The following PCLAF variants were observed in gnomAD, a reference collection of about 807,000 sequenced individuals.
PCLAF encodes PCNA-associated factor.
PCLAF carries 12 observed loss-of-function variants against 15.1 expected under a neutral mutation model. The ratio of observed to expected loss-of-function variants is 0.79; its 90% CI spans 0.51 to 1.29. PCLAF has a LOEUF of 1.29. Ranked by LOEUF, PCLAF falls within the 50% of genes most tolerant of loss-of-function variation. The pLI is 0.00. For missense variants in PCLAF, 116 were observed against 130.9 expected (o/e 0.89, Z 0.56); for synonymous variants, 33 against 47.1 (o/e 0.70, Z 1.22).
At chr15:64,370,726 T>C (rs992290100) in intron 3 of PCLAF, among the ~76,000 whole-genome samples, 1 of 151,800 alleles carries the variant, frequency 6.6e-6, no homozygotes, top group Non-Finnish European at 1.5e-5. Flanking sequence ...AAAGTTTTAC[T>C]TACCAGAATC....
rs975399596 is a variant in PCLAF, at chr15:64,364,986, T to G, written c.*1044A>C. On this transcript the variant is annotated 3_prime_UTR_variant, in exon 4 of 4. Transcript: ENST00000300035. Reference sequence around the variant, plus strand: ...GGTGTGAGCCACTGCACTCAGCCTTTTTTAAAATTTTTTTTTTTTTTTTTT... The same window carrying G: ...GGTGTGAGCCACTGCACTCAGCCTTGTTTAAAATTTTTTTTTTTTTTTTTT... 7.7e-6 allele frequency: 1 copy of G among 129,574 alleles called. No individual in the cohort carries two copies. The highest frequency in any genetic ancestry group is 2.8e-5 in the African/African-American group (1 of 35,568). 8.0% of individuals were successfully genotyped at this position (129,574 alleles called of 1,614,324 possible). A position where few individuals can be genotyped will look rare whatever the true frequency, so the allele number is the denominator to read the frequency against.
At chr15:64,382,446 A>G (rs1899847873), upstream of PCLAF, 2 of 159,854 alleles carry the variant, frequency 1.3e-5, no homozygotes, top group South Asian at 1.7e-4. Context: ...GAAAGAAAAG[A>G]AAAGAAAGAA....
chr15:64,370,634 G>A (rs1899252190), intron 3 of PCLAF, among the ~76,000 whole-genome samples: 1 of 150,818 alleles, frequency 6.6e-6, no homozygotes, highest in Non-Finnish European at 1.5e-5. Context: ...CTTTCAAAAT[G>A]TTGGGATTAC....
rs115223852 is a variant in PCLAF at position 64,369,810 on chromosome 15, T to G, written c.291-3735A>C. 8.6e-3 allele frequency among the ~76,000 whole-genome samples: 1,307 copies of G among 152,292 alleles called. 24 individuals are homozygous for G. The highest frequency in any genetic ancestry group is 0.03 in the African/African-American group (1,254 of 41,570). On this transcript the variant is annotated intron_variant, in intron 3 of 3. Coordinates refer to ENST00000300035, the MANE Select transcript of PCLAF (RefSeq NM_014736.6). Reference sequence around the variant, plus strand: ...CTTTCAGCCATCTATTTTTATCTAGTTTGTGTTCAATGAAAATCCATTCCA... The same window carrying G: ...CTTTCAGCCATCTATTTTTATCTAGGTTGTGTTCAATGAAAATCCATTCCA...
rs1372408095 is a variant in PCLAF, at chr15:64,364,687, C to G, written c.*1343G>C. 4 of 136,392 alleles carry G rather than the reference C, an allele frequency of 2.9e-5. No individual in the cohort carries two copies. The East Asian group carries it at 7.8e-4, about 27-fold the overall frequency. 8.4% of individuals were successfully genotyped at this position (136,392 alleles called of 1,614,324 possible). On this transcript the variant is annotated 3_prime_UTR_variant, in exon 4 of 4. Coordinates refer to ENST00000300035, the MANE Select transcript of PCLAF (RefSeq NM_014736.6). ...ATATAAATATATATTTTTTTCTTTT[C>G]TTTCTTTTTTTTTTTTTAAGACATT...
intron 3 of PCLAF, among the ~76,000 whole-genome samples, chr15:64,375,404 G>A (rs1899568132): frequency 6.6e-6 from 1 of 151,924 alleles, no homozygotes; most frequent in Non-Finnish European, 1.5e-5. Flanking sequence ...TTACAGAGGT[G>A]AGCCACTGTG....
Position 64,381,247 on chromosome 15 carries a change from G to A in PCLAF, c.46+79C>T, listed in dbSNP as rs921127878. 16 of 1,528,554 alleles carry A rather than the reference G, an allele frequency of 1.0e-5. No homozygotes were observed. In the Admixed American group the frequency reaches 1.7e-4, roughly 16 times the overall value. 94.7% of individuals were successfully genotyped at this position (1,528,554 alleles called of 1,614,324 possible). Reference sequence around the variant, plus strand: ...GAGTTTGGCGCACAGGGCCCAGGGGGACCTCTGGCGTCTGTCGCCCGTGGC... The same window carrying A: ...GAGTTTGGCGCACAGGGCCCAGGGGAACCTCTGGCGTCTGTCGCCCGTGGC... On this transcript the variant is annotated intron_variant, in intron 1 of 3. Coordinates refer to ENST00000300035, the MANE Select transcript of PCLAF (RefSeq NM_014736.6).
intron 1 of PCLAF, 99 bp from the exon 2 acceptor site, chr15:64,381,137 A>G (rs1271012768): frequency 2.3e-6 from 3 of 1,286,804 alleles, no homozygotes; most frequent in Non-Finnish European, 1.1e-6. Context: ...CTGGCGATCC[A>G]GAACAGCAGG....
At chr15:64,377,014 T>C in intron 2 of PCLAF, 109 bp from the exon 3 acceptor site, 1 of 820,238 alleles carries the variant, frequency 1.2e-6, no homozygotes, top group Non-Finnish European at 1.9e-6. Context: ...TATTAAATAA[T>C]CTTTATTTAA....
At chr15:64,384,364 C>A (rs1471401664), upstream of PCLAF, among the ~76,000 whole-genome samples, 1 of 151,816 alleles carries the variant, frequency 6.6e-6, no homozygotes, top group African/African-American at 2.4e-5. Flanking sequence ...GAACTCCTGA[C>A]CTCAGGTGAT....
upstream of PCLAF, among the ~76,000 whole-genome samples, chr15:64,384,495 C>T (rs957782732): frequency 6.6e-6 from 1 of 151,004 alleles, no homozygotes; most frequent in African/African-American, 2.4e-5. Flanking sequence ...ATAATCCCAG[C>T]AATTTGGGAG....
chr15:64,366,703 T>C (rs1000130516), intron 3 of PCLAF, among the ~76,000 whole-genome samples: 77 of 152,150 alleles, frequency 5.1e-4, no homozygotes, highest in African/African-American at 1.8e-3. Flanking sequence ...CCGGGGTCGG[T>C]GGATCACGCC....
At chr15:64,366,868 G>A (rs997929617) in intron 3 of PCLAF, among the ~76,000 whole-genome samples, 18 of 152,112 alleles carry the variant, frequency 1.2e-4, no homozygotes, top group African/African-American at 4.3e-4. Context: ...AGCTACTTGG[G>A]AGGCTAAGGC....
At chr15:64,369,363 TAAAA>T (rs72110519) in intron 3 of PCLAF, among the ~76,000 whole-genome samples, 88 of 94,688 alleles carry the variant, frequency 9.3e-4, no homozygotes, top group African/African-American at 1.8e-3. Context: ...CCTGTCTCTT[TAAAA>T]AAAAAAAAAA....
chr15:64,383,725 G>A (rs754286805), upstream of PCLAF, among the ~76,000 whole-genome samples: 1 of 152,044 alleles, frequency 6.6e-6, no homozygotes, highest in Non-Finnish European at 1.5e-5. Context: ...TTCTACATAG[G>A]TCTGAATTAC....
upstream of PCLAF, among the ~76,000 whole-genome samples, chr15:64,382,010 C>T (rs766218888): frequency 1.7e-4 from 26 of 152,046 alleles, no homozygotes; most frequent in Non-Finnish European, 3.7e-4. Context: ...TAAACAAAAA[C>T]TAGGGGGATT....
At chr15:64,386,322 G>A (rs1180788204), upstream of PCLAF, among the ~76,000 whole-genome samples, 2 of 151,920 alleles carry the variant, frequency 1.3e-5, no homozygotes, top group African/African-American at 2.4e-5. Context: ...ACACTTATGA[G>A]GTTTTGTTTT....
chr15:64,382,066 G>C (rs1899837763), upstream of PCLAF, among the ~76,000 whole-genome samples: 1 of 152,124 alleles, frequency 6.6e-6, no homozygotes, highest in African/African-American at 2.4e-5. Context: ...ACGTCTTCTT[G>C]AGAACCGAAT....
intron 3 of PCLAF, 48 bp from the exon 4 acceptor site, chr15:64,366,123 T>A: frequency 6.9e-7 from 1 of 1,443,028 alleles, no homozygotes; most frequent in South Asian, 1.2e-5. Flanking sequence ...TATCAACTGT[T>A]TGAAAAAAAT....
Sources: gnomAD v4.1 joint callset for allele counts (sites outside exome capture counted in the v4.1 genomes callset) on GRCh38, gnomAD v4.1.1 for gene constraint, MANE v1.5 for transcripts, NCBI Gene and HGNC (gene_info 2026-07-23, HGNC 2026-07-21) for gene names.